JAK2: variants seen among roughly 807,000 people sequenced by gnomAD.
JAK2 encodes Janus kinase 2, also known as tyrosine-protein kinase JAK2.
Under a neutral mutation model 139.3 loss-of-function variants are expected in JAK2, and 86 were observed. The observed-to-expected ratio is 0.62, with a 90% confidence interval of 0.52 to 0.74. JAK2 has a LOEUF of 0.74. Among genes scored for constraint, JAK2 ranks in the 30% least tolerant of loss-of-function variants. The pLI is 0.00. For synonymous variants in JAK2, 490 were observed against 437.7 expected (o/e 1.12, Z -1.49); for missense variants, 1,421 against 1,360.3 (o/e 1.04, Z -0.70).
intron 2 of JAK2, among the ~76,000 whole-genome samples, chr9:4,996,252 C>T (rs10974906): frequency 6.6e-6 from 1 of 152,056 alleles, no homozygotes; most frequent in Non-Finnish European, 1.5e-5. Context: ...AGTTCACCAC[C>T]AGCCTGACTA....
intron 22 of JAK2, among the ~76,000 whole-genome samples, chr9:5,095,469 C>T (rs776989082): frequency 4.6e-5 from 7 of 151,938 alleles, no homozygotes; most frequent in South Asian, 2.1e-4. Context: ...ACCCGTCCTC[C>T]GGGCAATGGA....
At chr9:5,078,869 TA>T (rs1819487065) in intron 16 of JAK2, among the ~76,000 whole-genome samples, 1 of 152,210 alleles carries the variant, frequency 6.6e-6, no homozygotes, top group Non-Finnish European at 1.5e-5. Context: ...TCTGACTTTT[TA>T]AAACCTTAAA....
intron 2 of JAK2, among the ~76,000 whole-genome samples, chr9:4,999,359 C>T (rs1820795713): frequency 6.6e-6 from 1 of 151,978 alleles, no homozygotes; most frequent in Admixed American, 6.6e-5. Context: ...TTTTAATAGG[C>T]AGTAGTAGTA....
At chr9:5,053,106 C>T (rs1246675460) in intron 6 of JAK2, among the ~76,000 whole-genome samples, 1 of 152,090 alleles carries the variant, frequency 6.6e-6, no homozygotes, top group Non-Finnish European at 1.5e-5. Context: ...TACATTCACA[C>T]TAGCAGTACA....
intron 12 of JAK2, among the ~76,000 whole-genome samples, 174 bp from the exon 13 acceptor site, chr9:5,072,318 A>G (rs1410835796): frequency 6.6e-6 from 1 of 152,204 alleles, no homozygotes; most frequent in Non-Finnish European, 1.5e-5. Flanking sequence ...TCTTATTACT[A>G]TTTAAGGAAG....
In JAK2 at chr9:5,048,176, C is replaced by A. The variant is rs200296908; in HGVS notation, c.469-2510C>A. On this transcript the variant is annotated intron_variant, in intron 5 of 24. Coordinates refer to ENST00000381652, the MANE Select transcript of JAK2 (RefSeq NM_004972.4). Reference sequence around the variant, plus strand: ...TTTTTTTTTGAGATGGAGTCTCCCACTGTTGCCTGGGCTGGAGTGCAATGG... The same window carrying A: ...TTTTTTTTTGAGATGGAGTCTCCCAATGTTGCCTGGGCTGGAGTGCAATGG... Among the ~76,000 whole-genome samples, 29 of 152,052 alleles carry A rather than the reference C, an allele frequency of 1.9e-4. No homozygotes were observed. In the East Asian group the frequency reaches 5.6e-3, roughly 29 times the overall value.
intron 2 of JAK2, among the ~76,000 whole-genome samples, chr9:5,012,761 T>C (rs898007214): frequency 3.3e-5 from 5 of 152,266 alleles, no homozygotes; most frequent in African/African-American, 4.8e-5. Flanking sequence ...TATAATTTAG[T>C]AGTGGAAAGA....
chr9:5,128,245 A>C lies in JAK2; in HGVS notation c.*1454A>C, dbSNP rs989984000. ...CTGAAGACTTCTGATTTTGGGTTGA[A>C]GGGAAGGAAAAGGAAGAAATGTTTT... On this transcript the variant is annotated 3_prime_UTR_variant, in exon 25 of 25. Transcript: ENST00000381652. The C allele has an allele frequency of 2.6e-5, 6 of 230,798 alleles. No homozygotes were observed. Among genetic ancestry groups the C allele is most frequent in the African/African-American group, 1.3e-4 (6 of 45,122 alleles). 14.3% of individuals were successfully genotyped at this position (230,798 alleles called of 1,614,324 possible). A position where few individuals can be genotyped will look rare whatever the true frequency, so the allele number is the denominator to read the frequency against.
At chr9:4,986,908 G>C (rs574509015) in intron 2 of JAK2, among the ~76,000 whole-genome samples, 1 of 152,270 alleles carries the variant, frequency 6.6e-6, no homozygotes, top group Non-Finnish European at 1.5e-5. Context: ...TGCTCAAAAT[G>C]TTTCAGATTT....
chr9:5,065,148 A>G, intron 9 of JAK2, 108 bp downstream of exon 9: 1 of 653,976 alleles, frequency 1.5e-6, no homozygotes, highest in Non-Finnish European at 2.3e-6. Context: ...TAATTTGACA[A>G]GTTTTTTTTA....
chr9:5,036,570 C>T (rs1823618167), intron 4 of JAK2, among the ~76,000 whole-genome samples: 2 of 152,168 alleles, frequency 1.3e-5, no homozygotes, highest in Non-Finnish European at 2.9e-5. Flanking sequence ...TATCTACAAC[C>T]ATCTGATCTT....
At chr9:5,044,151 CCTA>C (rs756852854) in intron 4 of JAK2, among the ~76,000 whole-genome samples, 1 of 152,102 alleles carries the variant, frequency 6.6e-6, no homozygotes. Context: ...TTTTTTGTTT[CCTA>C]CTATTGCTTC....
chr9:5,122,307 G>A (rs1411404139), intron 22 of JAK2, among the ~76,000 whole-genome samples: 2 of 152,144 alleles, frequency 1.3e-5, no homozygotes, highest in Non-Finnish European at 2.9e-5. Context: ...ATGCTTGAGT[G>A]AACAATGACA....
At position 5,036,363 on chromosome 9, in the gene JAK2, T is replaced by C. The variant is rs143850563; in HGVS notation, c.350+6457T>C. ...GCTACAGATGACTTTCTTCACAGAA[T>C]TGGAAAAAACTACTTTAAAGTTCAT... On this transcript the variant is annotated intron_variant, in intron 4 of 24. Transcript: ENST00000381652. Among the ~76,000 whole-genome samples the C allele has an allele frequency of 1.2e-3, 179 of 152,274 alleles. 2 individuals carry two copies. Among genetic ancestry groups the C allele is most frequent in the African/African-American group, 3.9e-3 (164 of 41,544 alleles).
Position 5,069,017 on chromosome 9 carries a change from T to C in JAK2, c.1327-5T>C, listed in dbSNP as rs1303525211. 2.6e-6 allele frequency: 4 copies of C among 1,542,222 alleles called. No individual in the cohort carries two copies. Among genetic ancestry groups the C allele is most frequent in the South Asian group, 2.4e-5 (2 of 84,520 alleles). On this transcript the variant is annotated splice_polypyrimidine_tract_variant and splice_region_variant and intron_variant, in intron 10 of 24. Coordinates refer to ENST00000381652, the MANE Select transcript of JAK2 (RefSeq NM_004972.4). ...CTCCCTTTCTTTATAATTAAACTTA[T>C]ACAGCGAGAAAATGTCATTGAATAT...
intron 22 of JAK2, among the ~76,000 whole-genome samples, chr9:5,117,111 A>G (rs1259473303): frequency 6.6e-6 from 1 of 152,194 alleles, no homozygotes; most frequent in Non-Finnish European, 1.5e-5. Context: ...TGTGGCAACA[A>G]GGCTCCCCTT....
At chr9:5,010,286 A>G (rs1587821679) in intron 2 of JAK2, among the ~76,000 whole-genome samples, 1 of 149,948 alleles carries the variant, frequency 6.7e-6, no homozygotes, top group African/African-American at 2.4e-5. Flanking sequence ...TTTAAGCCCT[A>G]CCATACACCG....
intron 14 of JAK2, among the ~76,000 whole-genome samples, chr9:5,074,549 T>C (rs904535132): frequency 6.6e-6 from 1 of 152,326 alleles, no homozygotes; most frequent in African/African-American, 2.4e-5. Context: ...ACAGAGAGAA[T>C]ATAAGAAGGC....
chr9:5,065,956 C>G (rs914719027), intron 9 of JAK2, among the ~76,000 whole-genome samples: 3 of 152,098 alleles, frequency 2.0e-5, no homozygotes, highest in Admixed American at 1.3e-4. Flanking sequence ...ACTACTTGAA[C>G]TTTATGTCTG....
Sources: gnomAD v4.1 joint callset for allele counts (sites outside exome capture counted in the v4.1 genomes callset) on GRCh38, gnomAD v4.1.1 for gene constraint, MANE v1.5 for transcripts, NCBI Gene and HGNC (gene_info 2026-07-23, HGNC 2026-07-21) for gene names.